Variants in CHODL observed in about 807,000 individuals in gnomAD.
CHODL encodes chondrolectin, also known as transmembrane protein MT75.
CHODL carries 29 observed loss-of-function variants against 34.5 expected under a neutral mutation model. The observed-to-expected ratio is 0.84, with a 90% CI of 0.63 to 1.15. The LOEUF (loss-of-function observed/expected upper bound fraction) is 1.15. CHODL is among the 50% of genes most tolerant of loss of function. The pLI, the probability that CHODL is intolerant of heterozygous loss-of-function variation, is 0.00. For synonymous variants in CHODL, 125 were observed against 116.1 expected, an observed-to-expected ratio of 1.08 and a Z score of -0.49; for missense variants, 332 against 332.5, an observed-to-expected ratio of 1.00 and a Z score of 0.01.
intron 1 of CHODL, among the ~76,000 whole-genome samples, chr21:18,247,544 T>C (rs1485334913): frequency 6.6e-6 from 1 of 152,120 alleles, no homozygotes; most frequent in Non-Finnish European, 1.5e-5. Flanking sequence ...AAAGTGGATA[T>C]ATTTTAGCAA....
chr21:18,096,343 A>G (rs1301070092), intron 2 of CHODL, among the ~76,000 whole-genome samples: 1 of 152,232 alleles, frequency 6.6e-6, no homozygotes, highest in East Asian at 1.9e-4. Flanking sequence ...TACGATTTTC[A>G]GGGAACAAGG....
intron 1 of CHODL, among the ~76,000 whole-genome samples, chr21:17,958,510 C>T (rs2063509209): frequency 6.6e-6 from 1 of 152,154 alleles, no homozygotes; most frequent in African/African-American, 2.4e-5. Context: ...AGCATTTGTT[C>T]AATGTCTGTG....
chr21:18,224,913 G>A (rs1327304651), intron 2 of CHODL, among the ~76,000 whole-genome samples: 1 of 152,034 alleles, frequency 6.6e-6, no homozygotes, highest in East Asian at 1.9e-4. Context: ...CGGCCTTAGG[G>A]AGGCTGGTAT....
At chr21:18,036,523 C>T (rs1600922615) in intron 2 of CHODL, among the ~76,000 whole-genome samples, 1 of 152,050 alleles carries the variant, frequency 6.6e-6, no homozygotes, top group South Asian at 2.1e-4. Flanking sequence ...CCTGAGCTTC[C>T]TTTCCCTGCA....
chr21:18,215,983 A>C (rs184276914), intron 2 of CHODL, among the ~76,000 whole-genome samples: 240 of 152,144 alleles, frequency 1.6e-3, no homozygotes, highest in African/African-American at 5.5e-3. Context: ...GAGTCAAATA[A>C]TTTTTTTCCT....
chr21:18,180,701 C>T (rs1053765384), intron 2 of CHODL, among the ~76,000 whole-genome samples: 3 of 152,158 alleles, frequency 2.0e-5, no homozygotes, highest in Non-Finnish European at 2.9e-5. Flanking sequence ...AAATTCTAAA[C>T]GTGTGATCAA....
At chr21:18,147,493 C>T (rs2824655) in intron 2 of CHODL, among the ~76,000 whole-genome samples, 124,564 of 152,220 alleles carry the variant, frequency 0.82, 51,785 homozygotes, top group Non-Finnish European at 0.88. Context: ...TTAGAGAAAG[C>T]AATTCTTTTC....
At chr21:17,942,172 A>G (rs1254145758) in intron 1 of CHODL, among the ~76,000 whole-genome samples, 1 of 152,198 alleles carries the variant, frequency 6.6e-6, no homozygotes, top group Non-Finnish European at 1.5e-5. Flanking sequence ...ATAAAATATA[A>G]GATAATTTGT....
At chr21:18,121,696 G>A (rs907809826) in intron 2 of CHODL, among the ~76,000 whole-genome samples, 1 of 152,092 alleles carries the variant, frequency 6.6e-6, no homozygotes, top group Admixed American at 6.5e-5. Flanking sequence ...GTTCTTTGAT[G>A]CTTAAAGTTG....
At chr21:18,256,849 G>A in intron 2 of CHODL, 31 bp downstream of exon 2, 3 of 1,595,986 alleles carry the variant, frequency 1.9e-6, no homozygotes, top group Non-Finnish European at 2.6e-6. Flanking sequence ...GTTGGCAGGT[G>A]CTCTGGGGAA....
At chr21:18,125,762 A>G (rs1375852280) in intron 2 of CHODL, among the ~76,000 whole-genome samples, 1 of 152,120 alleles carries the variant, frequency 6.6e-6, no homozygotes, top group Non-Finnish European at 1.5e-5. Flanking sequence ...TAAAGATTAA[A>G]AAAACCTGAA....
At chr21:18,175,640 A>G (rs2073298919) in intron 2 of CHODL, among the ~76,000 whole-genome samples, 1 of 152,212 alleles carries the variant, frequency 6.6e-6, no homozygotes, top group Non-Finnish European at 1.5e-5. Context: ...TGGAATTTAT[A>G]ATCAGATAAA....
At position 18,061,697 on chromosome 21, in the gene CHODL, C is replaced by T. The variant is rs2064668065; in HGVS notation, c.-45+33726C>T. Among the ~76,000 whole-genome samples, 2 of 152,140 alleles carry T rather than the reference C, an allele frequency of 1.3e-5. 1 individual carries two copies. The highest frequency in any genetic ancestry group is 2.9e-5 in the Non-Finnish European group (2 of 68,030). On this transcript the variant is annotated intron_variant, in intron 2 of 6. Transcript: ENST00000400127. ...GGGAACACCAACAAAAGACTCTCCA[C>T]AATTTCGTGGTGGTGGTGGCAATGA...
chr21:18,227,294 C>G (rs1317003394), intron 2 of CHODL, among the ~76,000 whole-genome samples: 1 of 152,094 alleles, frequency 6.6e-6, no homozygotes, highest in Non-Finnish European at 1.5e-5. Flanking sequence ...CAATAATTGT[C>G]TTAAATACTA....
rs2146344705 is a variant in CHODL at position 17,954,007 on chromosome 21, T to C, written c.-145+36607T>C. Among the ~76,000 whole-genome samples, 3 of 152,006 alleles carry C rather than the reference T, an allele frequency of 2.0e-5. 1 individual carries two copies. In the East Asian group the frequency reaches 5.8e-4, roughly 29 times the overall value. On this transcript the variant is annotated intron_variant, in intron 1 of 6. Transcript: ENST00000400127. ...CTGGGCGACAGAGCGAGACTCTGTC[T>C]CAAAAAAAATTTTTTTAAATAAATA...
chr21:18,111,020 C>G (rs1309441051), intron 2 of CHODL, among the ~76,000 whole-genome samples: 1 of 152,130 alleles, frequency 6.6e-6, no homozygotes, highest in African/African-American at 2.4e-5. Flanking sequence ...TAGATTCAAA[C>G]TGGGACAGCT....
intron 1 of CHODL, among the ~76,000 whole-genome samples, chr21:17,929,411 TG>T (rs560519226): frequency 6.6e-6 from 1 of 152,362 alleles, no homozygotes; most frequent in Admixed American, 6.5e-5. Flanking sequence ...AAGCAGCTAG[TG>T]GGTTCCTCTT....
rs2063462980 is a variant in CHODL, at chr21:17,952,186, CTA to C, written c.-145+34788_-145+34789del. On this transcript the variant is annotated intron_variant, in intron 1 of 6. Coordinates refer to the CHODL transcript ENST00000400127. ...TGAGCCATGATTGTGCAGAGCAATA[CTA>C]TGTCTCAAAAAAAAAAAAAAAAAAA... is the stretch of plus-strand genomic sequence containing the variant. Among the ~76,000 whole-genome samples the C allele has an allele frequency of 2.6e-5, 2 of 76,860 alleles. 1 individual carries two copies. Among genetic ancestry groups the C allele is most frequent in the African/African-American group, 1.2e-4 (2 of 16,956 alleles). 50.4% of individuals were successfully genotyped at this position (76,860 alleles called of 152,430 possible).
intron 1 of CHODL, among the ~76,000 whole-genome samples, chr21:17,972,767 G>T (rs197537): frequency 0.28 from 41,823 of 151,994 alleles, 7,641 homozygotes; most frequent in African/African-American, 0.52. Flanking sequence ...ACCATTGGCT[G>T]TTTTCACAGA....
Sources: allele counts gnomAD v4.1 joint callset (sites outside exome capture counted in the v4.1 genomes callset), GRCh38; gene constraint gnomAD v4.1.1; transcripts MANE v1.5; gene names NCBI Gene and HGNC (gene_info 2026-07-23, HGNC 2026-07-21).